C8orf34: variants seen among roughly 807,000 people sequenced by gnomAD.
C8orf34 encodes the protein uncharacterized protein C8orf34.
In C8orf34, 65 loss-of-function variants were observed where a neutral mutation model predicts 68.3. That is an observed-to-expected ratio of 0.95 (90% CI 0.78 to 1.17). C8orf34 has a LOEUF of 1.17. C8orf34 is among the 50% of genes most tolerant of loss of function. The probability of loss-of-function intolerance (pLI) is 0.00; values close to 1 mark genes in which losing one functional copy is unlikely to be tolerated. For synonymous variants in C8orf34, 244 were observed against 241.2 expected (o/e 1.01, Z -0.11); for missense variants, 664 against 655.4 (o/e 1.01, Z -0.14).
intron 12 of C8orf34, among the ~76,000 whole-genome samples, chr8:68,810,528 G>A (rs186554795): frequency 2.0e-4 from 31 of 152,180 alleles, no homozygotes; most frequent in East Asian, 7.8e-4. Flanking sequence ...CTCGTAGCCC[G>A]CAAGGTGGTG....
chr8:68,816,599 ACT>A (rs1782784433), intron 13 of C8orf34, among the ~76,000 whole-genome samples: 1 of 152,044 alleles, frequency 6.6e-6, no homozygotes, highest in African/African-American at 2.4e-5. Context: ...GGTCACCCAG[ACT>A]CTACATAAAC....
intron 9 of C8orf34, among the ~76,000 whole-genome samples, chr8:68,713,429 G>A (rs2130976353): frequency 6.6e-6 from 1 of 152,108 alleles, no homozygotes; most frequent in South Asian, 2.1e-4. Flanking sequence ...ACCAAGAAAA[G>A]AAGAGAGAAG....
chr8:68,456,793 A>G (rs995651429), intron 3 of C8orf34, among the ~76,000 whole-genome samples: 1 of 152,252 alleles, frequency 6.6e-6, no homozygotes, highest in Non-Finnish European at 1.5e-5. Flanking sequence ...GCATAGGGAC[A>G]AAGATCTGCA....
At chr8:68,488,131 C>T in intron 5 of C8orf34, 80 bp downstream of exon 5, 1 of 1,034,984 alleles carries the variant, frequency 9.7e-7, no homozygotes, top group Non-Finnish European at 1.4e-6. Context: ...AATAAATTTT[C>T]TGAAACATAA....
At chr8:68,531,603 G>A (rs1815249029) in intron 6 of C8orf34, among the ~76,000 whole-genome samples, 1 of 152,106 alleles carries the variant, frequency 6.6e-6, no homozygotes, top group African/African-American at 2.4e-5. Flanking sequence ...GTGATGCTAA[G>A]TTTGATCACT....
intron 7 of C8orf34, among the ~76,000 whole-genome samples, chr8:68,586,952 A>T (rs1817227543): frequency 1.3e-5 from 2 of 152,110 alleles, no homozygotes; most frequent in Non-Finnish European, 2.9e-5. Flanking sequence ...CCATGCTATG[A>T]CTAATTGCAA....
At chr8:68,573,987 A>G (rs890638072) in intron 7 of C8orf34, among the ~76,000 whole-genome samples, 3 of 152,134 alleles carry the variant, frequency 2.0e-5, no homozygotes, top group African/African-American at 7.2e-5. Context: ...AGATGATCAA[A>G]AGTTTTGCGA....
chr8:68,790,152 C>T (rs1823953026), intron 12 of C8orf34, among the ~76,000 whole-genome samples: 1 of 152,162 alleles, frequency 6.6e-6, no homozygotes, highest in Non-Finnish European at 1.5e-5. Flanking sequence ...ACATTGGAGC[C>T]ACTGAAGCAT....
chr8:68,400,551 CTGTT>C (rs565406648), intron 1 of C8orf34, among the ~76,000 whole-genome samples: 11 of 152,016 alleles, frequency 7.2e-5, no homozygotes, highest in South Asian at 2.1e-4. Flanking sequence ...ATCTATGTGT[CTGTT>C]TGTCTGTTTA....
At chr8:68,805,820 G>A (rs1824463353) in intron 12 of C8orf34, among the ~76,000 whole-genome samples, 1 of 152,042 alleles carries the variant, frequency 6.6e-6, no homozygotes, top group African/African-American at 2.4e-5. Context: ...CTTGTGCGTA[G>A]TGTAATTATT....
intron 1 of C8orf34, among the ~76,000 whole-genome samples, chr8:68,360,089 G>T (rs928610472): frequency 2.0e-5 from 3 of 152,144 alleles, no homozygotes; most frequent in Admixed American, 2.0e-4. Context: ...TTCAGCTGTG[G>T]CTTAATTCTT....
chr8:68,457,080 C>T (rs1419363172), intron 3 of C8orf34, among the ~76,000 whole-genome samples: 1 of 151,922 alleles, frequency 6.6e-6, no homozygotes, highest in East Asian at 1.9e-4. Flanking sequence ...AGGTTAAAAC[C>T]AAAAATTGAT....
At position 68,721,422 on chromosome 8, in the gene C8orf34, TAAAC is replaced by T; in HGVS notation, c.1390_1393del (p.Lys464Ter). On this transcript the variant is annotated frameshift_variant, in exon 10 of 14. Coordinates refer to ENST00000518698, the MANE Select transcript of C8orf34 (RefSeq NM_052958.4). LOFTEE classifies it high-confidence loss of function. ...AGGGTGACGAATTTGAGAAAGCATCTAAACTAACAGGACCTGTAAGTATATTCAT... is the reference window on the plus strand; with the variant it reads ...AGGGTGACGAATTTGAGAAAGCATCTTAACAGGACCTGTAAGTATATTCAT... The T allele has an allele frequency of 6.2e-7, 1 of 1,606,800 alleles. No homozygotes were observed. The highest frequency in any genetic ancestry group is 8.5e-7 in the Non-Finnish European group (1 of 1,174,564).
intron 7 of C8orf34, among the ~76,000 whole-genome samples, chr8:68,588,275 T>C (rs1388586735): frequency 6.6e-6 from 1 of 152,102 alleles, no homozygotes; most frequent in Non-Finnish European, 1.5e-5. Flanking sequence ...AAGATAATTA[T>C]GATGTAAAGA....
chr8:68,478,446 C>T (rs561831207), intron 4 of C8orf34, among the ~76,000 whole-genome samples: 45 of 152,332 alleles, frequency 3.0e-4, no homozygotes, highest in African/African-American at 8.7e-4. Context: ...TTCCTATCTT[C>T]TTCTGAGCCC....
chr8:68,521,869 AT>A lies in C8orf34; in HGVS notation c.837del (p.Asn279LysfsTer6). The A allele has an allele frequency of 6.2e-7, 1 of 1,614,082 alleles. No homozygotes were observed. Among genetic ancestry groups the A allele is most frequent in the Non-Finnish European group, 8.5e-7 (1 of 1,180,000 alleles). On this transcript the variant is annotated frameshift_variant, in exon 6 of 14. Transcript: ENST00000518698. LOFTEE classifies it high-confidence loss of function. ...GGAGAATGGATTGGTAGAGAAGAAAATGATGCTGATCCCCTAGCTGCTGAAA... is the reference window on the plus strand; with the variant it reads ...GGAGAATGGATTGGTAGAGAAGAAAAGATGCTGATCCCCTAGCTGCTGAAA... ...VIGEWIGREENDADPLAAEML... is the reference protein window; with the variant it reads ...VIGEWIGREEXDADPLAAEML...
intron 1 of C8orf34, among the ~76,000 whole-genome samples, chr8:68,389,078 G>A (rs980940863): frequency 1.3e-5 from 2 of 152,128 alleles, no homozygotes; most frequent in Admixed American, 6.5e-5. Context: ...ATTGCTAGTA[G>A]GGTCTGGCAT....
intron 7 of C8orf34, among the ~76,000 whole-genome samples, chr8:68,556,084 T>C (rs1455116368): frequency 6.6e-6 from 1 of 152,088 alleles, no homozygotes; most frequent in Non-Finnish European, 1.5e-5. Context: ...TACTAGTACA[T>C]GAAATACATC....
chr8:68,576,582 G>A (rs974883094), intron 7 of C8orf34, among the ~76,000 whole-genome samples: 1 of 148,854 alleles, frequency 6.7e-6, no homozygotes, highest in Non-Finnish European at 1.5e-5. Flanking sequence ...ATTTGTATTT[G>A]ATGGAATGAT....
Sources: allele counts gnomAD v4.1 joint callset (sites outside exome capture counted in the v4.1 genomes callset), GRCh38; gene constraint gnomAD v4.1.1; transcripts MANE v1.5; gene names NCBI Gene and HGNC (gene_info 2026-07-23, HGNC 2026-07-21).